Variants in SLC16A9 observed in about 807,000 individuals in gnomAD.
SLC16A9 encodes monocarboxylate transporter 9.
Under a neutral mutation model 44.3 loss-of-function variants are expected in SLC16A9, and 26 were observed. The observed-to-expected ratio is 0.59, with a 90% confidence interval of 0.43 to 0.81. The LOEUF (loss-of-function observed/expected upper bound fraction) is 0.81, where lower values mean the gene tolerates loss of function less well. SLC16A9 is among the 40% of genes least tolerant of loss of function. The pLI, the probability that SLC16A9 is intolerant of heterozygous loss-of-function variation, is 0.00. For synonymous variants in SLC16A9, 230 were observed against 225.1 expected, an observed-to-expected ratio of 1.02 and a Z score of -0.19; for missense variants, 559 against 595.8, an observed-to-expected ratio of 0.94 and a Z score of 0.64.
Position 59,651,138 on chromosome 10 carries a change from G to C in SLC16A9, c.*1634C>G. The C allele has an allele frequency of 6.6e-6, 1 of 152,060 alleles. No individual in the cohort carries two copies. The highest frequency in any genetic ancestry group is 1.9e-4 in the East Asian group (1 of 5,186). The allele number at this position is 152,060 out of a possible 1,614,324, so 9.4% of individuals were successfully genotyped here. A position where few individuals can be genotyped will look rare whatever the true frequency, so the allele number is the denominator to read the frequency against. On this transcript the variant is annotated 3_prime_UTR_variant, in exon 6 of 6. Transcript: ENST00000395348. ...ATTGCATTATTAAGTAGAATGAACT[G>C]TTATGAAATTCTCCATATTCCAGGT...
intron 1 of SLC16A9, among the ~76,000 whole-genome samples, chr10:59,703,667 C>T (rs1018951772): frequency 6.6e-6 from 1 of 151,850 alleles, no homozygotes; most frequent in African/African-American, 2.4e-5. Context: ...GTTTGGCGGA[C>T]TCAATGTTTT....
intron 1 of SLC16A9, among the ~76,000 whole-genome samples, chr10:59,687,916 C>T (rs1353374739): frequency 2.0e-5 from 3 of 150,928 alleles, no homozygotes; most frequent in African/African-American, 4.9e-5. Flanking sequence ...GCAGTAATTG[C>T]ACCACTGCAC....
chr10:59,690,470 T>C (rs1840229176), intron 1 of SLC16A9, among the ~76,000 whole-genome samples: 1 of 152,138 alleles, frequency 6.6e-6, no homozygotes, highest in Admixed American at 6.5e-5. Context: ...GCACTCAAGA[T>C]GGGAGCAGGA....
In SLC16A9 at chr10:59,690,535, GA is replaced by G. The variant is rs201136138; in HGVS notation, c.-36-6209del. 4.7e-3 allele frequency among the ~76,000 whole-genome samples: 711 copies of G among 152,302 alleles called. 5 individuals carry two copies. The highest frequency in any genetic ancestry group is 0.016 in the African/African-American group (677 of 41,566). On this transcript the variant is annotated intron_variant, in intron 1 of 5. Coordinates refer to ENST00000395348, the MANE Select transcript of SLC16A9 (RefSeq NM_194298.3). ...GTGAAGAACAATGAAGGGATTCATA[GA>G]AGGGCGGCCAAGGCAAGAGGAATAA... is the stretch of plus-strand genomic sequence containing the variant.
chr10:59,702,365 T>A lies in SLC16A9; in HGVS notation c.-37+7114A>T, dbSNP rs1001733441. ...TTACCTGATTCTTTCCGATTCGGTTTTAAATGTTAAACATTCAGTGATGGT... is the reference window on the plus strand; with the variant it reads ...TTACCTGATTCTTTCCGATTCGGTTATAAATGTTAAACATTCAGTGATGGT... On this transcript the variant is annotated intron_variant, in intron 1 of 5. Coordinates refer to ENST00000395348, the MANE Select transcript of SLC16A9 (RefSeq NM_194298.3). Among the ~76,000 whole-genome samples the A allele has an allele frequency of 5.3e-5, 8 of 152,328 alleles. No homozygotes were observed. The East Asian group carries it at 1.5e-3, about 29-fold the overall frequency.
chr10:59,674,689 C>T (rs905702491), intron 2 of SLC16A9, among the ~76,000 whole-genome samples: 5 of 152,188 alleles, frequency 3.3e-5, no homozygotes, highest in African/African-American at 9.6e-5. Flanking sequence ...TACCAAACTA[C>T]ATTGACATTG....
intron 1 of SLC16A9, among the ~76,000 whole-genome samples, chr10:59,696,989 C>T (rs1348395239): frequency 9.7e-6 from 1 of 103,068 alleles, no homozygotes; most frequent in Non-Finnish European, 2.0e-5. Context: ...GTGGGGGGGT[C>T]AGCCCCCCGC....
intron 3 of SLC16A9, among the ~76,000 whole-genome samples, chr10:59,666,459 A>G (rs1190361623): frequency 6.6e-6 from 1 of 152,162 alleles, no homozygotes; most frequent in Non-Finnish European, 1.5e-5. Flanking sequence ...TTTTTATAAT[A>G]ATACTAAGAT....
chr10:59,672,619 A>G, intron 3 of SLC16A9, 151 bp downstream of exon 3: 1 of 798,456 alleles, frequency 1.3e-6, no homozygotes, highest in East Asian at 2.9e-5. Context: ...TTTTTTCACT[A>G]AAGCAACAGT....
At chr10:59,667,390 C>T (rs1049189646) in intron 3 of SLC16A9, among the ~76,000 whole-genome samples, 3 of 152,128 alleles carry the variant, frequency 2.0e-5, no homozygotes, top group Admixed American at 2.0e-4. Flanking sequence ...TAGCTGCCTT[C>T]TATGAAACCA....
At chr10:59,661,906 T>C (rs909184673) in intron 4 of SLC16A9, among the ~76,000 whole-genome samples, 2 of 152,126 alleles carry the variant, frequency 1.3e-5, no homozygotes, top group Non-Finnish European at 2.9e-5. Flanking sequence ...ATTTAATAAA[T>C]GGTGTTGGGA....
At chr10:59,694,887 A>G (rs1381580644) in intron 1 of SLC16A9, among the ~76,000 whole-genome samples, 1 of 149,184 alleles carries the variant, frequency 6.7e-6, no homozygotes, top group African/African-American at 2.5e-5. Context: ...ACTGATAAAC[A>G]TATATAGATA....
chr10:59,692,966 A>G (rs1840283840), intron 1 of SLC16A9, among the ~76,000 whole-genome samples: 1 of 152,254 alleles, frequency 6.6e-6, no homozygotes, highest in African/African-American at 2.4e-5. Flanking sequence ...ATTCAAATAC[A>G]AATTAATTAC....
chr10:59,700,342 C>T (rs950314299), intron 1 of SLC16A9, among the ~76,000 whole-genome samples: 1 of 152,172 alleles, frequency 6.6e-6, no homozygotes, highest in African/African-American at 2.4e-5. Context: ...AAGCACTGCA[C>T]AGTCAAGTTC....
Position 59,653,441 on chromosome 10 carries a change from A to AAAAAAAAAAAAAAAAAAAAAAAAC in SLC16A9, c.1351+233_1351+234insGTTTTTTTTTTTTTTTTTTTTTTT, listed in dbSNP as rs1564693235. ...ACTCCGTCTCAAAAAAAAAAAAAAA[A>AAAAAAAAAAAAAAAAAAAAAAAAC]AAAAGCAGGCATTTTGAGTTTCTCC... On this transcript the variant is annotated intron_variant, in intron 5 of 5. Coordinates refer to ENST00000395348, the MANE Select transcript of SLC16A9 (RefSeq NM_194298.3). Among the ~76,000 whole-genome samples, 3 of 147,806 alleles carry AAAAAAAAAAAAAAAAAAAAAAAAC rather than the reference A, an allele frequency of 2.0e-5. 1 individual carries two copies. The highest frequency in any genetic ancestry group is 3.0e-5 in the Non-Finnish European group (2 of 67,380).
rs75382547 is a variant in SLC16A9 at position 59,672,515 on chromosome 10, G to A, written c.340+255C>T. Among the ~76,000 whole-genome samples the A allele has an allele frequency of 1.5e-3, 226 of 152,300 alleles. 2 individuals are homozygous for A. The highest frequency in any genetic ancestry group is 5.3e-3 in the African/African-American group (221 of 41,554). Reference sequence around the variant, plus strand: ...ACTTTTCCCATATGTGCTATAGAGAGACAAGGGCTGAGATGAAAAACTTCC... The same window carrying A: ...ACTTTTCCCATATGTGCTATAGAGAAACAAGGGCTGAGATGAAAAACTTCC... On this transcript the variant is annotated intron_variant, in intron 3 of 5. Transcript: ENST00000395348.
intron 1 of SLC16A9, among the ~76,000 whole-genome samples, chr10:59,696,049 C>T (rs1179173693): frequency 6.6e-6 from 1 of 152,102 alleles, no homozygotes; most frequent in African/African-American, 2.4e-5. Context: ...CCTGTCTCTA[C>T]AAAAGATTTT....
chr10:59,652,658 T>C lies in SLC16A9; in HGVS notation c.*114A>G. On this transcript the variant is annotated 3_prime_UTR_variant, in exon 6 of 6. Transcript: ENST00000395348. ...ATAATTCATTCAGAGTCAGTCATTG[T>C]GAAATTTTGCTATGAGAAAATAGTC... 1 of 936,218 alleles carries C rather than the reference T, an allele frequency of 1.1e-6. No individual in the cohort carries two copies. The allele number at this position is 936,218 out of a possible 1,614,324, so 58.0% of individuals were successfully genotyped here.
intron 2 of SLC16A9, 141 bp downstream of exon 2, chr10:59,683,955 G>A: frequency 3.5e-6 from 2 of 579,000 alleles, no homozygotes; most frequent in East Asian, 3.0e-5. Context: ...TACAGTGAAA[G>A]TACAATCATT....
Sources: gnomAD v4.1 joint callset for allele counts (sites outside exome capture counted in the v4.1 genomes callset) on GRCh38, gnomAD v4.1.1 for gene constraint, MANE v1.5 for transcripts, NCBI Gene and HGNC (gene_info 2026-07-23, HGNC 2026-07-21) for gene names.